The following ERC2 variants were observed in gnomAD, a reference collection of about 807,000 sequenced individuals.
ERC2 encodes ERC protein 2.
A neutral mutation model predicts 114.8 loss-of-function variants in ERC2; 42 were observed. The observed-to-expected ratio is 0.37, with a 90% confidence interval of 0.29 to 0.47. The LOEUF is 0.47. Among genes scored for constraint, ERC2 ranks in the 20% least tolerant of loss-of-function variants. ERC2 has a pLI of 0.99. For synonymous variants in ERC2, 454 were observed against 425.5 expected, an observed-to-expected ratio of 1.07 and a Z score of -0.82; for missense variants, 939 against 1,150.7, an observed-to-expected ratio of 0.82 and a Z score of 2.66.
At chr3:56,134,418 A>C (rs1366796954) in intron 6 of ERC2, among the ~76,000 whole-genome samples, 1 of 152,246 alleles carries the variant, frequency 6.6e-6, no homozygotes, top group Admixed American at 6.5e-5. Flanking sequence ...GCATTCAAAA[A>C]GTATGTGTTA....
In ERC2 at chr3:56,070,156, G is replaced by T. The variant is rs572604387; in HGVS notation, c.1641+10661C>A. Among the ~76,000 whole-genome samples, 5 of 152,284 alleles carry T rather than the reference G, an allele frequency of 3.3e-5. No homozygotes were observed. In the South Asian group the frequency reaches 1.0e-3, roughly 32 times the overall value. Reference sequence around the variant, plus strand: ...GTAAAATTCTTCACAGCAAAGCAGAGTCCATTGGCAAACAAAAGATAAGTA... The same window carrying T: ...GTAAAATTCTTCACAGCAAAGCAGATTCCATTGGCAAACAAAAGATAAGTA... On this transcript the variant is annotated intron_variant, in intron 7 of 17. Transcript: ENST00000288221.
At chr3:56,193,171 TA>T (rs2047894447) in intron 3 of ERC2, among the ~76,000 whole-genome samples, 1 of 152,216 alleles carries the variant, frequency 6.6e-6, no homozygotes, top group Non-Finnish European at 1.5e-5. Context: ...AAACAGTGTG[TA>T]CTCCTTGTTT....
intron 11 of ERC2, among the ~76,000 whole-genome samples, chr3:55,987,906 T>C (rs1304783159): frequency 1.3e-5 from 2 of 152,072 alleles, no homozygotes; most frequent in Non-Finnish European, 2.9e-5. Flanking sequence ...ATTGGGGAGG[T>C]ATGTGATTGA....
intron 14 of ERC2, among the ~76,000 whole-genome samples, chr3:55,751,445 A>C (rs922881672): frequency 6.6e-6 from 1 of 152,198 alleles, no homozygotes; most frequent in African/African-American, 2.4e-5. Context: ...AGAAGGGCCT[A>C]GTGTAAAATA....
intron 3 of ERC2, among the ~76,000 whole-genome samples, chr3:56,277,643 C>T (rs896001873): frequency 6.6e-6 from 1 of 151,742 alleles, no homozygotes; most frequent in Non-Finnish European, 1.5e-5. Context: ...GTCTCCTAGG[C>T]TTTCAAAACT....
chr3:56,161,156 C>T lies in ERC2; in HGVS notation c.1150-12024G>A, dbSNP rs1299610446. On this transcript the variant is annotated intron_variant, in intron 4 of 17. Coordinates refer to ENST00000288221, the MANE Select transcript of ERC2 (RefSeq NM_015576.3). ...AAGAGTCGGGGCCCTCCTCCCAGTT[C>T]TTGCTCCAGCTTTTCATGTGATGTA... Among the ~76,000 whole-genome samples, 3 of 152,198 alleles carry T rather than the reference C, an allele frequency of 2.0e-5. No individual in the cohort carries two copies. The East Asian group carries it at 5.8e-4, about 29-fold the overall frequency.
intron 17 of ERC2, among the ~76,000 whole-genome samples, chr3:55,553,117 GT>G (rs1430332018): frequency 6.9e-6 from 1 of 144,310 alleles, no homozygotes; most frequent in Admixed American, 7.3e-5. Flanking sequence ...CACCTCCCAG[GT>G]TCAAGTGATG....
intron 14 of ERC2, among the ~76,000 whole-genome samples, chr3:55,750,371 G>A (rs994308805): frequency 1.2e-4 from 19 of 152,294 alleles, no homozygotes; most frequent in African/African-American, 4.6e-4. Context: ...CCCTTGTAAA[G>A]TTGAGTAAAC....
At chr3:55,648,935 C>T (rs928108984) in intron 17 of ERC2, among the ~76,000 whole-genome samples, 3 of 152,104 alleles carry the variant, frequency 2.0e-5, no homozygotes, top group African/African-American at 4.8e-5. Flanking sequence ...ACACACACCA[C>T]GGACACACTG....
chr3:55,543,499 T>C (rs2054538517), intron 17 of ERC2, among the ~76,000 whole-genome samples: 2 of 152,222 alleles, frequency 1.3e-5, no homozygotes, highest in Non-Finnish European at 2.9e-5. Context: ...AAACGAGGCC[T>C]AGTGGCCTCA....
At chr3:55,590,813 C>T (rs1166299697) in intron 17 of ERC2, among the ~76,000 whole-genome samples, 2 of 152,148 alleles carry the variant, frequency 1.3e-5, no homozygotes, top group Non-Finnish European at 2.9e-5. Context: ...CATTAATGTC[C>T]TCTTTTATAG....
rs567325123 is a variant in ERC2, at chr3:56,400,952, T to C, written c.657+33399A>G. ...TGTATCAGCTTTATTAACCACGATC[T>C]TGCAAAAAAAGCTACTTTATTCTTG... On this transcript the variant is annotated intron_variant, in intron 2 of 17. Transcript: ENST00000288221. Among the ~76,000 whole-genome samples, 8 of 152,300 alleles carry C rather than the reference T, an allele frequency of 5.3e-5. No homozygotes were observed. In the South Asian group the frequency reaches 1.7e-3, roughly 32 times the overall value.
At chr3:55,958,655 C>T (rs1010848813) in intron 12 of ERC2, among the ~76,000 whole-genome samples, 6 of 152,232 alleles carry the variant, frequency 3.9e-5, no homozygotes, top group African/African-American at 1.4e-4. Context: ...TGCTCGTCAG[C>T]ACCCAAAGTC....
At chr3:56,259,764 C>T (rs2052790988) in intron 3 of ERC2, among the ~76,000 whole-genome samples, 1 of 152,120 alleles carries the variant, frequency 6.6e-6, no homozygotes, top group Non-Finnish European at 1.5e-5. Flanking sequence ...AGAAGCCTTG[C>T]TTTTTCCATG....
At chr3:56,167,577 A>G (rs2082386785) in intron 4 of ERC2, among the ~76,000 whole-genome samples, 1 of 152,174 alleles carries the variant, frequency 6.6e-6, no homozygotes, top group African/African-American at 2.4e-5. Context: ...CCATTATTTA[A>G]GGCAAATAGT....
chr3:56,458,005 A>C (rs146655353), intron 1 of ERC2, among the ~76,000 whole-genome samples: 26 of 152,174 alleles, frequency 1.7e-4, no homozygotes, highest in African/African-American at 6.0e-4. Flanking sequence ...ACTCCCCTAC[A>C]AAATTACCTG....
chr3:56,439,258 AATATAGCAAG>A (rs2107425114), intron 1 of ERC2, among the ~76,000 whole-genome samples: 1 of 152,310 alleles, frequency 6.6e-6, no homozygotes, highest in African/African-American at 2.4e-5. Context: ...CAGTCTGGGC[AATATAGCAAG>A]ACTCTGTCTC....
chr3:55,802,246 C>T (rs1026684219), intron 14 of ERC2, among the ~76,000 whole-genome samples: 3 of 152,156 alleles, frequency 2.0e-5, no homozygotes, highest in Non-Finnish European at 4.4e-5. Flanking sequence ...TTAATTATTC[C>T]TTTTCCCAAC....
intron 17 of ERC2, among the ~76,000 whole-genome samples, chr3:55,582,522 C>G (rs1174147598): frequency 6.6e-6 from 1 of 152,192 alleles, no homozygotes; most frequent in African/African-American, 2.4e-5. Flanking sequence ...GTGGAATCTT[C>G]TTTTTTAAAT....
Sources: allele counts gnomAD v4.1 joint callset (sites outside exome capture counted in the v4.1 genomes callset), GRCh38; gene constraint gnomAD v4.1.1; transcripts MANE v1.5; gene names NCBI Gene and HGNC (gene_info 2026-07-23, HGNC 2026-07-21).